KCNJ12: variants seen among roughly 807,000 people sequenced by gnomAD.
KCNJ12 encodes the protein ATP-sensitive inward rectifier potassium channel 12.
KCNJ12 carries 2 observed loss-of-function variants against 22.3 expected under a neutral mutation model. That is an observed-to-expected ratio of 0.09 (90% CI 0.04 to 0.28). The LOEUF is 0.28. Among genes scored for constraint, KCNJ12 ranks in the 10% least tolerant of loss-of-function variants. The probability of loss-of-function intolerance (pLI) is 1.00; values close to 1 mark genes in which losing one functional copy is unlikely to be tolerated. For missense variants in KCNJ12, 155 were observed against 633.3 expected (o/e 0.24, Z 8.11); for synonymous variants, 117 against 261.4 (o/e 0.45, Z 5.33).
In KCNJ12 at chr17:21,416,755, C is replaced by T; in HGVS notation, c.*111C>T. 7.0e-7 allele frequency: 1 copy of T among 1,437,300 alleles called. No individual in the cohort carries two copies. The highest frequency in any genetic ancestry group is 9.2e-7 in the Non-Finnish European group (1 of 1,086,592). 89.0% of individuals were successfully genotyped at this position (1,437,300 alleles called of 1,614,324 possible). ...GGCCCAGTGCCCTGGGTTGCAGACT[C>T]AGTAGCGTTTTAGTCGTTTTATGTT... On this transcript the variant is annotated 3_prime_UTR_variant, in exon 3 of 3. Transcript: ENST00000583088.
chr17:21,409,636 T>G, intron 2 of KCNJ12, among the ~76,000 whole-genome samples: 1 of 152,308 alleles, frequency 6.6e-6, no homozygotes, highest in Non-Finnish European at 1.5e-5. Flanking sequence ...AAAGCTGTCC[T>G]GGCAGCATCA....
intron 1 of KCNJ12, among the ~76,000 whole-genome samples, chr17:21,395,593 A>AC (rs1382867615): frequency 1.3e-5 from 2 of 149,212 alleles, no homozygotes; most frequent in African/African-American, 5.0e-5. Flanking sequence ...AAAAAAAAAA[A>AC]AGAAAGAAAA....
At chr17:21,400,705 T>G (rs1294323208) in intron 1 of KCNJ12, among the ~76,000 whole-genome samples, 1 of 152,312 alleles carries the variant, frequency 6.6e-6, no homozygotes, top group Non-Finnish European at 1.5e-5. Context: ...GAGCTGTTCG[T>G]GTGCTAGGGA....
chr17:21,418,018 A>AT lies in KCNJ12; in HGVS notation c.*1374_*1375insT, dbSNP rs1567710457. On this transcript the variant is annotated 3_prime_UTR_variant, in exon 3 of 3. Transcript: ENST00000583088. Reference sequence around the variant, plus strand: ...GAATCAGAAACCAGCCGTGGAACAGAATTCCTGCCGAGTCTTCCAGGGCCG... The same window carrying AT: ...GAATCAGAAACCAGCCGTGGAACAGATATTCCTGCCGAGTCTTCCAGGGCCG... 1.2e-5 allele frequency: 2 copies of AT among 167,088 alleles called. No homozygotes were observed. The allele number at this position is 167,088 out of a possible 1,614,324, so 10.4% of individuals were successfully genotyped here.
chr17:21,404,044 C>T (rs1347518066), intron 1 of KCNJ12, among the ~76,000 whole-genome samples: 6 of 152,220 alleles, frequency 3.9e-5, no homozygotes, highest in Non-Finnish European at 8.8e-5. Context: ...TGCCTGCACA[C>T]GCTGAGCTTC....
intron 1 of KCNJ12, among the ~76,000 whole-genome samples, chr17:21,402,684 A>G (rs1469464191): frequency 6.6e-6 from 1 of 152,310 alleles, no homozygotes; most frequent in African/African-American, 2.4e-5. Context: ...GATTTACAAA[A>G]TAAAAGAAGG....
chr17:21,410,122 C>T (rs1203013215), intron 2 of KCNJ12, among the ~76,000 whole-genome samples: 5 of 152,210 alleles, frequency 3.3e-5, no homozygotes, highest in African/African-American at 4.8e-5. Flanking sequence ...GCCTCCCACT[C>T]CTGGCTCTGG....
intron 1 of KCNJ12, among the ~76,000 whole-genome samples, chr17:21,384,158 T>C (rs1030331325): frequency 6.6e-6 from 1 of 151,784 alleles, no homozygotes; most frequent in Non-Finnish European, 1.5e-5. Flanking sequence ...TATGGGACCA[T>C]TGCATACATG....
rs1452205146 is a variant in KCNJ12 at position 21,376,702 on chromosome 17, C to T, written c.-390C>T. The T allele has an allele frequency of 6.6e-6, 1 of 151,510 alleles. No homozygotes were observed. The highest frequency in any genetic ancestry group is 1.9e-4 in the East Asian group (1 of 5,136). 9.4% of individuals were successfully genotyped at this position (151,510 alleles called of 1,614,324 possible). ...GCGAGCGCCCAGCGGCCGGGGGCGC[C>T]GTCCAGGCGCGCGCCCCCGACCCGT... On this transcript the variant is annotated 5_prime_UTR_variant, in exon 1 of 3. Transcript: ENST00000583088. The surrounding 1 kb of genome is among the most constrained non-coding windows in gnomAD (Gnocchi z 5.3).
At chr17:21,392,809 G>A (rs1905242761) in intron 1 of KCNJ12, among the ~76,000 whole-genome samples, 1 of 152,254 alleles carries the variant, frequency 6.6e-6, no homozygotes, top group African/African-American at 2.4e-5. Context: ...CTGAAGGTGG[G>A]TGTGGGCAGC....
At position 21,416,885 on chromosome 17, in the gene KCNJ12, G is replaced by T. The variant is rs79945769; in HGVS notation, c.*241G>T. The T allele has an allele frequency of 1.8e-5, 10 of 567,464 alleles. No individual in the cohort carries two copies. The highest frequency in any genetic ancestry group is 5.6e-5 in the African/African-American group (3 of 53,138). 35.2% of individuals were successfully genotyped at this position (567,464 alleles called of 1,614,324 possible). On this transcript the variant is annotated 3_prime_UTR_variant, in exon 3 of 3. Transcript: ENST00000583088. ...CTCAGGGCAAAGAAGTGGCCTCCTG[G>T]GGGGCCAGGCCACGAGGGCCAGGGC... is the stretch of plus-strand genomic sequence containing the variant.
At chr17:21,400,294 C>A (rs1288787669) in intron 1 of KCNJ12, among the ~76,000 whole-genome samples, 5 of 152,308 alleles carry the variant, frequency 3.3e-5, no homozygotes, top group Non-Finnish European at 5.9e-5. Context: ...CTGCCCCTCC[C>A]TCCTGTCTCC....
chr17:21,401,771 A>G (rs1251706870), intron 1 of KCNJ12, among the ~76,000 whole-genome samples: 1 of 152,224 alleles, frequency 6.6e-6, no homozygotes, highest in Non-Finnish European at 1.5e-5. Context: ...AACTTCCCCC[A>G]GGGACCTGGT....
At chr17:21,382,864 A>G (rs1406274830) in intron 1 of KCNJ12, among the ~76,000 whole-genome samples, 2 of 152,184 alleles carry the variant, frequency 1.3e-5, no homozygotes, top group Non-Finnish European at 2.9e-5. Context: ...CAGCAGGGAT[A>G]CTTCTCAGCC....
chr17:21,390,337 T>A (rs1905178411), intron 1 of KCNJ12, among the ~76,000 whole-genome samples: 1 of 152,006 alleles, frequency 6.6e-6, no homozygotes, highest in South Asian at 2.1e-4. Context: ...GGATGGGCAC[T>A]GCTCCCCAGG....
chr17:21,403,865 G>T (rs1262275526), intron 1 of KCNJ12, among the ~76,000 whole-genome samples: 12 of 152,408 alleles, frequency 7.9e-5, no homozygotes, highest in African/African-American at 2.6e-4. Context: ...CTTGCCCAAG[G>T]CCACACAGGA....
intron 1 of KCNJ12, among the ~76,000 whole-genome samples, chr17:21,383,018 C>T (rs1489330369): frequency 6.6e-6 from 1 of 152,024 alleles, no homozygotes; most frequent in African/African-American, 2.4e-5. Flanking sequence ...GCCTTGAGGC[C>T]ACAGACCCTC....
At chr17:21,407,700 C>A (rs1402624975) in intron 1 of KCNJ12, among the ~76,000 whole-genome samples, 1 of 152,184 alleles carries the variant, frequency 6.6e-6, no homozygotes, top group Non-Finnish European at 1.5e-5. Context: ...TCCATCCAAT[C>A]ATCTACTTTC....
chr17:21,408,111 A>G (rs1906090021), intron 1 of KCNJ12, among the ~76,000 whole-genome samples: 2 of 152,306 alleles, frequency 1.3e-5, no homozygotes, highest in African/African-American at 2.4e-5. Flanking sequence ...CTGGGAGTAC[A>G]GGCTGAGGGC....
Sources: gnomAD v4.1 joint callset for allele counts (sites outside exome capture counted in the v4.1 genomes callset) on GRCh38, gnomAD v4.1.1 for gene constraint, Gnocchi (gnomAD v3.1) non-coding constraint, MANE v1.5 for transcripts, NCBI Gene and HGNC (gene_info 2026-07-23, HGNC 2026-07-21) for gene names.